The following PEMT variants were observed in gnomAD, a reference collection of about 807,000 sequenced individuals.
PEMT encodes the protein phosphatidylethanolamine N-methyltransferase, also known as phospholipid methyltransferase.
Under a neutral mutation model 27.4 loss-of-function variants are expected in PEMT, and 23 were observed. The observed-to-expected ratio is 0.84, with a 90% CI of 0.60 to 1.19. The LOEUF (loss-of-function observed/expected upper bound fraction) is 1.19, where lower values mean the gene tolerates loss of function less well. PEMT is among the 50% of genes most tolerant of loss of function. The pLI is 0.00. For missense variants in PEMT, 307 were observed against 310.1 expected, an observed-to-expected ratio of 0.99 and a Z score of 0.07; for synonymous variants, 137 against 139.1, an observed-to-expected ratio of 0.98 and a Z score of 0.11.
chr17:17,584,392 C>G (rs954751532), intron 1 of PEMT, among the ~76,000 whole-genome samples: 24 of 152,324 alleles, frequency 1.6e-4, no homozygotes, highest in African/African-American at 5.8e-4. Flanking sequence ...ATCTCCTGAC[C>G]TCATGATCCG....
At chr17:17,566,699 G>A (rs1344042735) in intron 2 of PEMT, among the ~76,000 whole-genome samples, 5 of 152,222 alleles carry the variant, frequency 3.3e-5, no homozygotes, top group East Asian at 1.9e-4. Context: ...GGAGAAGAAC[G>A]CGTCTGCAGA....
chr17:17,576,579 T>C (rs1911604983), intron 2 of PEMT, among the ~76,000 whole-genome samples: 1 of 152,202 alleles, frequency 6.6e-6, no homozygotes. Flanking sequence ...GGCAACCCAC[T>C]TCATGCATGA....
At chr17:17,520,404 G>C (rs1345535765) in intron 3 of PEMT, among the ~76,000 whole-genome samples, 1 of 152,246 alleles carries the variant, frequency 6.6e-6, no homozygotes, top group African/African-American at 2.4e-5. Flanking sequence ...CCACTGCTGA[G>C]CTGGAAGCTG....
intron 3 of PEMT, among the ~76,000 whole-genome samples, chr17:17,519,720 G>C (rs1418423529): frequency 6.6e-6 from 1 of 152,202 alleles, no homozygotes; most frequent in Non-Finnish European, 1.5e-5. Context: ...AGGCTGTGCT[G>C]CTGGACCAGC....
chr17:17,527,099 G>A (rs1418369108), intron 2 of PEMT, among the ~76,000 whole-genome samples: 6 of 152,198 alleles, frequency 3.9e-5, no homozygotes, highest in East Asian at 1.9e-4. Flanking sequence ...GTGCAACGGC[G>A]CAATCTCGGC....
At chr17:17,542,344 G>A (rs138849197) in intron 2 of PEMT, among the ~76,000 whole-genome samples, 2 of 152,192 alleles carry the variant, frequency 1.3e-5, no homozygotes, top group Admixed American at 6.5e-5. Flanking sequence ...TTGAGCTCCC[G>A]CTCAGTTAAT....
chr17:17,547,666 C>G (rs1252354348), intron 2 of PEMT, among the ~76,000 whole-genome samples: 4 of 151,978 alleles, frequency 2.6e-5, no homozygotes, highest in Non-Finnish European at 5.9e-5. Context: ...CCTCCTCCTC[C>G]TCCTCCTCAT....
intron 2 of PEMT, among the ~76,000 whole-genome samples, chr17:17,569,598 C>T (rs1287979821): frequency 6.6e-6 from 1 of 152,218 alleles, no homozygotes; most frequent in Non-Finnish European, 1.5e-5. Flanking sequence ...GGATTCCTTA[C>T]AGCTCCCCTT....
chr17:17,507,032 G>T, intron 5 of PEMT: 1 of 807,694 alleles, frequency 1.2e-6, no homozygotes, highest in Non-Finnish European at 2.0e-6. Flanking sequence ...CTTTGCTGGT[G>T]ACCAGCTCCT....
Position 17,557,801 on chromosome 17 carries a change from C to T in PEMT, c.204+19119G>A, listed in dbSNP as rs554174685. Reference sequence around the variant, plus strand: ...GGCGTCCGGGACTGTCAGGTGTTCCCGAGGGAAAATACTGGCTCCTGGAGC... The same window carrying T: ...GGCGTCCGGGACTGTCAGGTGTTCCTGAGGGAAAATACTGGCTCCTGGAGC... On this transcript the variant is annotated intron_variant, in intron 2 of 6. Transcript: ENST00000255389. 5.2e-3 allele frequency among the ~76,000 whole-genome samples: 798 copies of T among 152,260 alleles called. 5 individuals carry two copies. The highest frequency in any genetic ancestry group is 6.8e-3 in the Middle Eastern group (2 of 294).
intron 1 of PEMT, among the ~76,000 whole-genome samples, chr17:17,589,021 C>T (rs144386692): frequency 1.5e-3 from 221 of 152,356 alleles, no homozygotes; most frequent in African/African-American, 4.7e-3. Context: ...AGTGCAATGG[C>T]GTGATATCAG....
chr17:17,528,777 C>T (rs532891177), intron 2 of PEMT, among the ~76,000 whole-genome samples: 8 of 152,186 alleles, frequency 5.3e-5, no homozygotes, highest in Non-Finnish European at 1.2e-4. Flanking sequence ...CCACTGGCAT[C>T]AGGAGGTGGG....
At chr17:17,530,909 G>A (rs539853629) in intron 2 of PEMT, among the ~76,000 whole-genome samples, 4 of 152,002 alleles carry the variant, frequency 2.6e-5, no homozygotes, top group South Asian at 4.2e-4. Flanking sequence ...CGGGCGTAAC[G>A]GCAGGTGCCT....
intron 2 of PEMT, among the ~76,000 whole-genome samples, chr17:17,548,956 TC>T (rs926653829): frequency 1.3e-5 from 2 of 151,894 alleles, no homozygotes; most frequent in Non-Finnish European, 2.9e-5. Flanking sequence ...CCAGGCCACA[TC>T]TCCTCAGCAG....
chr17:17,585,710 T>G (rs1161278244), intron 1 of PEMT, among the ~76,000 whole-genome samples: 2 of 152,164 alleles, frequency 1.3e-5, no homozygotes, highest in Non-Finnish European at 2.9e-5. Context: ...GTGGACCACT[T>G]TGGTTTTCTT....
intron 1 of PEMT, 190 bp downstream of exon 1, chr17:17,591,341 G>GCACACGCACA: frequency 3.6e-6 from 2 of 560,092 alleles, no homozygotes; most frequent in Non-Finnish European, 6.3e-6. Flanking sequence ...ACACGCGCGC[G>GCACACGCACA]CACACGCACA....
chr17:17,558,220 A>G (rs1333780674), intron 2 of PEMT, among the ~76,000 whole-genome samples: 1 of 152,086 alleles, frequency 6.6e-6, no homozygotes, highest in African/African-American at 2.4e-5. Context: ...AAATTTAAAA[A>G]TTAGGGCTGG....
chr17:17,524,068 G>A (rs746692062), intron 2 of PEMT, among the ~76,000 whole-genome samples: 6 of 152,124 alleles, frequency 3.9e-5, no homozygotes, highest in Admixed American at 6.5e-5. Context: ...CTCAAGGTTC[G>A]TCTGTGCCAC....
chr17:17,576,879 T>G, intron 2 of PEMT, 41 bp downstream of exon 2: 33 of 1,514,328 alleles, frequency 2.2e-5, no homozygotes, highest in Non-Finnish European at 2.9e-5. Context: ...CACCAAGCAG[T>G]GAGATACTCC....
Sources: gnomAD v4.1 joint callset for allele counts (sites outside exome capture counted in the v4.1 genomes callset) on GRCh38, gnomAD v4.1.1 for gene constraint, MANE v1.5 for transcripts, NCBI Gene and HGNC (gene_info 2026-07-23, HGNC 2026-07-21) for gene names.